SGK2: variants seen among roughly 807,000 people sequenced by gnomAD.
SGK2 encodes the protein serine/threonine-protein kinase Sgk2.
In SGK2, 36 loss-of-function variants were observed where a neutral mutation model predicts 47.5. That is an observed-to-expected ratio of 0.76 (90% CI 0.58 to 1.00). The LOEUF is 1.00. Among genes scored for constraint, SGK2 ranks in the 50% least tolerant of loss-of-function variants. The pLI is 0.00. For synonymous variants in SGK2, 157 were observed against 181.9 expected (o/e 0.86, Z 1.10); for missense variants, 404 against 467.4 (o/e 0.86, Z 1.25).
At chr20:43,575,044 G>A (rs753671819) in intron 10 of SGK2, 40 bp downstream of exon 10, 13 of 1,394,352 alleles carry the variant, frequency 9.3e-6, no homozygotes, top group Non-Finnish European at 1.2e-5. Flanking sequence ...CATCTGGCTA[G>A]GGATGGGTCT....
chr20:43,567,830 A>G, intron 4 of SGK2, 86 bp from the exon 5 acceptor site: 1 of 1,547,638 alleles, frequency 6.5e-7, no homozygotes, highest in Non-Finnish European at 8.9e-7. Context: ...ACCTGCAGAC[A>G]AAAGCAGGGG....
chr20:43,575,059 C>T (rs1010249725), intron 10 of SGK2, 55 bp downstream of exon 10: 3 of 1,174,586 alleles, frequency 2.6e-6, no homozygotes, highest in African/African-American at 3.0e-5. Flanking sequence ...GGGTCTGTCT[C>T]TCATGTGGTC....
rs368334841 is a variant in SGK2 at position 43,573,741 on chromosome 20, C to T, written c.598-1168C>T. Among the ~76,000 whole-genome samples, 58 of 152,234 alleles carry T rather than the reference C, an allele frequency of 3.8e-4. No homozygotes were observed. In the South Asian group the frequency reaches 0.011, roughly 28 times the overall value. On this transcript the variant is annotated intron_variant, in intron 9 of 12. Transcript: ENST00000373100. ...CTTTAGTTCTAGGGTAGCTGATGGTCGGATGAACTCTCTGAGCAGGAGCCA... is the reference window on the plus strand; with the variant it reads ...CTTTAGTTCTAGGGTAGCTGATGGTTGGATGAACTCTCTGAGCAGGAGCCA...
At chr20:43,571,834 G>A (rs1980152267) in intron 8 of SGK2, among the ~76,000 whole-genome samples, 1 of 152,204 alleles carries the variant, frequency 6.6e-6, no homozygotes. Context: ...AGTTTGTGAT[G>A]AGCTGTGGGC....
rs144084083 is a variant in SGK2 at position 43,574,091 on chromosome 20, G to A, written c.598-818G>A. ...AGGATGAAAAAACCAGGGTCTGAGAGGTTAAATGCCCTGCCTGAGACCACG... is the reference window on the plus strand; with the variant it reads ...AGGATGAAAAAACCAGGGTCTGAGAAGTTAAATGCCCTGCCTGAGACCACG... On this transcript the variant is annotated intron_variant, in intron 9 of 12. Transcript: ENST00000373100. Among the ~76,000 whole-genome samples, 373 of 152,266 alleles carry A rather than the reference G, an allele frequency of 2.4e-3. 2 individuals are homozygous for A. The highest frequency in any genetic ancestry group is 7.9e-3 in the South Asian group (38 of 4,826).
chr20:43,579,113 G>A (rs924954186), intron 11 of SGK2, among the ~76,000 whole-genome samples: 1 of 151,482 alleles, frequency 6.6e-6, no homozygotes, highest in Non-Finnish European at 1.5e-5. Flanking sequence ...TGCCTCCCGG[G>A]TTCAAGTGAT....
In SGK2 at chr20:43,574,962, G is replaced by A. The variant is rs1980374519; in HGVS notation, c.651G>A (p.Trp217Ter). 6.2e-6 allele frequency: 10 copies of A among 1,613,702 alleles called. No individual in the cohort carries two copies. Among genetic ancestry groups the A allele is most frequent in the Admixed American group, 1.7e-5 (1 of 59,984 alleles). The change falls in exon 10 of 13, where the codon TGG (tryptophan) becomes TGA (stop). Residue 217 changes from tryptophan (W) to a stop codon, truncating the protein, a stop_gained. Transcript: ENST00000373100. LOFTEE classifies it high-confidence loss of function. ...RKEPYDRAVD[W>*]WCLGAVLYEM... is the part of the protein sequence containing the mutation. ...AGCCTTATGATCGAGCAGTGGACTG[G>A]TGGTGCTTGGGGGCAGTCCTCTACG...
At position 43,572,886 on chromosome 20, in the gene SGK2, C is replaced by A. The variant is rs1980226249; in HGVS notation, c.597+749C>A. 6.6e-6 allele frequency among the ~76,000 whole-genome samples: 1 copy of A among 151,256 alleles called. No homozygotes were observed. Among genetic ancestry groups the A allele is most frequent in the Admixed American group, 6.6e-5 (1 of 15,180 alleles). ...ATTCCTTTTTTTTTTCTAACTAAGT[C>A]TTGAAAATCTGGCATGAATTTTAAC... On this transcript the variant is annotated intron_variant, in intron 9 of 12. Transcript: ENST00000373100. This position sits in a 1 kb window ranked among gnomAD's most constrained non-coding sequence, Gnocchi z 4.2.
intron 5 of SGK2, among the ~76,000 whole-genome samples, chr20:43,568,311 C>T (rs1380099177): frequency 2.0e-5 from 3 of 152,132 alleles, no homozygotes; most frequent in African/African-American, 7.2e-5. Context: ...ATGTGGAGCC[C>T]CACTTTATTC....
intron 9 of SGK2, among the ~76,000 whole-genome samples, chr20:43,573,487 C>T (rs1480239353): frequency 7.1e-4 from 44 of 61,980 alleles, no homozygotes; most frequent in African/African-American, 2.9e-3. Context: ...GAGACTCTGT[C>T]TCAAAAAAAA....
Position 43,584,919 on chromosome 20 carries a change from G to A in SGK2, c.1007G>A (p.Gly336Asp). ...CAGGAAGCTGTGTCCAAGTCCATTG[G>A]CTGTACCCCTGACACTGTGGCCAGC... is the stretch of plus-strand genomic sequence containing the variant. ...FTQEAVSKSIGCTPDTVASSS... is the reference protein window; with the variant it reads ...FTQEAVSKSIDCTPDTVASSS... Residue 336 changes from glycine to aspartate, a missense_variant, in exon 13 of 13, where the codon GGC becomes GAC. Gly to Asp is a moderately conservative substitution (Grantham distance 94). Coordinates refer to ENST00000373100, the MANE Select transcript of SGK2 (RefSeq NM_170693.3). 6.2e-7 allele frequency: 1 copy of A among 1,614,122 alleles called. No individual in the cohort carries two copies. Among genetic ancestry groups the A allele is most frequent in the African/African-American group, 1.3e-5 (1 of 75,036 alleles).
chr20:43,567,913 C>T lies in SGK2; in HGVS notation c.145-3C>T, dbSNP rs1281763727. 3.1e-6 allele frequency: 5 copies of T among 1,613,604 alleles called. No homozygotes were observed. Among genetic ancestry groups the T allele is most frequent in the Non-Finnish European group, 4.2e-6 (5 of 1,179,622 alleles). On this transcript the variant is annotated splice_region_variant and splice_polypyrimidine_tract_variant and intron_variant, in intron 4 of 12. Transcript: ENST00000373100. The stretch of plus-strand genomic sequence containing the variant: ...AGGGCCTCAAATTCATGTTTCTTCT[C>T]AGGTCCTACTGGCCAAGCGCAAGTC...
chr20:43,566,569 T>G lies in SGK2; in HGVS notation c.36+38T>G, dbSNP rs145052103. 204 of 1,402,048 alleles carry G rather than the reference T, an allele frequency of 1.5e-4. 1 individual carries two copies. In the African/African-American group the frequency reaches 2.7e-3, roughly 19 times the overall value. 86.9% of individuals were successfully genotyped at this position (1,402,048 alleles called of 1,614,324 possible). A position where few individuals can be genotyped will look rare whatever the true frequency, so the allele number is the denominator to read the frequency against. On this transcript the variant is annotated intron_variant, in intron 2 of 12. Transcript: ENST00000373100. ...TGGTCCCCCACCCATCATCGGGGGC[T>G]CACTTCTTCCCGAGGCTAAGGAAAT...
intron 1 of SGK2, among the ~76,000 whole-genome samples, chr20:43,562,903 C>G (rs984669273): frequency 2.0e-5 from 3 of 151,328 alleles, no homozygotes; most frequent in African/African-American, 4.9e-5. Flanking sequence ...GAGGCCGAGG[C>G]AGGCAGATCA....
At chr20:43,570,579 C>T (rs978427334) in intron 6 of SGK2, 38 bp from the exon 7 acceptor site, 3 of 1,425,054 alleles carry the variant, frequency 2.1e-6, no homozygotes, top group Non-Finnish European at 2.9e-6. Context: ...CTACAGCAGC[C>T]ACCCAATAAC....
At chr20:43,582,907 G>A (rs1041806803) in intron 12 of SGK2, among the ~76,000 whole-genome samples, 1 of 152,076 alleles carries the variant, frequency 6.6e-6, no homozygotes, top group African/African-American at 2.4e-5. Flanking sequence ...TGTTGGCCAG[G>A]CTGGTCTTGA....
At chr20:43,578,993 T>C (rs1322196095) in intron 11 of SGK2, among the ~76,000 whole-genome samples, 1 of 151,778 alleles carries the variant, frequency 6.6e-6, no homozygotes, top group African/African-American at 2.4e-5. Context: ...ACCAATTTCT[T>C]GGGCATTCTT....
At chr20:43,577,704 C>T (rs1980551631) in intron 11 of SGK2, among the ~76,000 whole-genome samples, 1 of 145,106 alleles carries the variant, frequency 6.9e-6, no homozygotes. Context: ...AGTGCAGTGG[C>T]ACGATCTCAA....
chr20:43,569,364 CCT>C lies in SGK2; in HGVS notation c.229-16_229-15del. 9.3e-6 allele frequency: 15 copies of C among 1,613,146 alleles called. No homozygotes were observed. Among genetic ancestry groups the C allele is most frequent in the Non-Finnish European group, 1.3e-5 (15 of 1,179,614 alleles). On this transcript the variant is annotated intron_variant, in intron 5 of 12. Transcript: ENST00000373100. The stretch of plus-strand genomic sequence containing the variant: ...GCTGTTGTGGGCTGTGACATGGACC[CCT>C]CTCTTTGTGACTCCACAGCAGAGCC...
Sources: allele counts gnomAD v4.1 joint callset (sites outside exome capture counted in the v4.1 genomes callset), GRCh38; gene constraint gnomAD v4.1.1; non-coding constraint Gnocchi (gnomAD v3.1); transcripts MANE v1.5; gene names NCBI Gene and HGNC (gene_info 2026-07-23, HGNC 2026-07-21).